SLC66A3: variants seen among roughly 807,000 people sequenced by gnomAD.
The protein encoded by SLC66A3 is PQ loop repeat containing 3.
SLC66A3 carries 23 observed loss-of-function variants against 25.5 expected under a neutral mutation model. The observed-to-expected ratio is 0.90, with a 90% CI of 0.65 to 1.28. The LOEUF (loss-of-function observed/expected upper bound fraction) is 1.28. Among genes scored for constraint, SLC66A3 ranks in the 50% most tolerant of loss-of-function variants. SLC66A3 has a pLI of 0.00. For missense variants in SLC66A3, 246 were observed against 262.1 expected (o/e 0.94, Z 0.42); for synonymous variants, 108 against 112.6 (o/e 0.96, Z 0.26).
intron 5 of SLC66A3, among the ~76,000 whole-genome samples, chr2:11,173,153 G>A (rs574000676): frequency 3.9e-5 from 6 of 152,168 alleles, no homozygotes; most frequent in South Asian, 4.2e-4. Flanking sequence ...ATGAGCCACC[G>A]CGCCCAGCCA....
chr2:11,167,787 A>G (rs1313715112), intron 4 of SLC66A3, among the ~76,000 whole-genome samples: 1 of 152,134 alleles, frequency 6.6e-6, no homozygotes, highest in Non-Finnish European at 1.5e-5. Flanking sequence ...ACATGGTAGC[A>G]AAACCCCAGA....
Position 11,155,490 on chromosome 2 carries a change from C to G in SLC66A3, c.-57C>G, listed in dbSNP as rs762670373. 74 of 1,427,962 alleles carry G rather than the reference C, an allele frequency of 5.2e-5. No homozygotes were observed. Among genetic ancestry groups the G allele is most frequent in the Non-Finnish European group, 6.3e-5 (69 of 1,099,350 alleles). 88.5% of individuals were successfully genotyped at this position (1,427,962 alleles called of 1,614,324 possible). The stretch of plus-strand genomic sequence containing the variant: ...GAAGGCTTCGGCAGAGCTGCGCCGC[C>G]GAGGCTGAGCGGTCCCTTCTCGCTG... On this transcript the variant is annotated 5_prime_UTR_variant, in exon 1 of 7. Coordinates refer to ENST00000295083, the MANE Select transcript of SLC66A3 (RefSeq NM_152391.5).
intron 5 of SLC66A3, among the ~76,000 whole-genome samples, chr2:11,172,428 G>A (rs192856771): frequency 1.4e-4 from 22 of 152,316 alleles, no homozygotes; most frequent in African/African-American, 5.3e-4. Context: ...TTTTGAGAAT[G>A]AATGAAATGT....
chr2:11,177,252 G>A (rs1662787801), intron 6 of SLC66A3, among the ~76,000 whole-genome samples: 1 of 152,132 alleles, frequency 6.6e-6, no homozygotes, highest in African/African-American at 2.4e-5. Context: ...TTGAGGTCAG[G>A]AGTTTGAGAC....
intron 6 of SLC66A3, among the ~76,000 whole-genome samples, chr2:11,176,145 CT>C (rs1231122180): frequency 1.3e-5 from 2 of 152,184 alleles, no homozygotes. Flanking sequence ...CAAGATTGTT[CT>C]AATTGTGATT....
chr2:11,164,110 G>C, intron 3 of SLC66A3, 94 bp from the exon 4 acceptor site: 4 of 734,084 alleles, frequency 5.4e-6, no homozygotes, highest in Non-Finnish European at 6.9e-6. Flanking sequence ...TGGCTTCTGC[G>C]TGCCGCTGTC....
intron 6 of SLC66A3, 76 bp from the exon 7 acceptor site, chr2:11,177,661 C>T: frequency 2.3e-6 from 2 of 880,798 alleles, no homozygotes; most frequent in East Asian, 2.6e-5. Context: ...TTTATTTAGG[C>T]TTATACTTTG....
chr2:11,159,838 C>G (rs1662048501), intron 1 of SLC66A3, among the ~76,000 whole-genome samples: 1 of 152,152 alleles, frequency 6.6e-6, no homozygotes, highest in Non-Finnish European at 1.5e-5. Flanking sequence ...GAATGTGGGA[C>G]CCTGTGGCCT....
chr2:11,162,886 G>A lies in SLC66A3; in HGVS notation c.297-1318G>A, dbSNP rs35770320. Among the ~76,000 whole-genome samples the A allele has an allele frequency of 1.3e-4, 20 of 152,316 alleles. No individual in the cohort carries two copies. The East Asian group carries it at 2.1e-3, about 16-fold the overall frequency. On this transcript the variant is annotated intron_variant, in intron 3 of 6. Transcript: ENST00000295083. Reference sequence around the variant, plus strand: ...CTCCCAAAGTGCTGGGATTACAGGCGTGAGCCACCGTGCCCGGCCTAATGA... The same window carrying A: ...CTCCCAAAGTGCTGGGATTACAGGCATGAGCCACCGTGCCCGGCCTAATGA...
intron 3 of SLC66A3, 86 bp from the exon 4 acceptor site, chr2:11,164,118 G>C (rs1662220569): frequency 2.5e-6 from 2 of 795,114 alleles, no homozygotes; most frequent in Non-Finnish European, 2.1e-6. Flanking sequence ...GCGTGCCGCT[G>C]TCTGTGGTCT....
At chr2:11,177,681 T>A in intron 6 of SLC66A3, 56 bp from the exon 7 acceptor site, 1 of 1,043,654 alleles carries the variant, frequency 9.6e-7, no homozygotes, top group Non-Finnish European at 1.5e-6. Flanking sequence ...GAGCAGGAGG[T>A]GGTTTTGGTC....
At chr2:11,174,590 A>G (rs1474766459) in intron 5 of SLC66A3, among the ~76,000 whole-genome samples, 1 of 151,896 alleles carries the variant, frequency 6.6e-6, no homozygotes. Context: ...TTTGCCTCCC[A>G]GGTTCAAGCG....
chr2:11,176,841 T>G (rs1409093319), intron 6 of SLC66A3, among the ~76,000 whole-genome samples: 1 of 152,130 alleles, frequency 6.6e-6, no homozygotes, highest in Non-Finnish European at 1.5e-5. Context: ...GAATAACTTT[T>G]TAAAAACAGT....
In SLC66A3 at chr2:11,160,535, C is replaced by G; in HGVS notation, c.213C>G (p.Ile71Met). ...CGCTGACCTACCTGGAGTACCCCAT[C>G]CTCATCGCGCAAGGTAACAGCCCCT... The part of the protein sequence containing the change: ...YPPLTYLEYP[I>M]LIAQDVILLL... The change falls in exon 2 of 7, where the codon ATC becomes ATG. Residue 71 changes from isoleucine (I) to methionine (M), a missense_variant. By Grantham distance (10) the Ile-to-Met change is conservative (BLOSUM62 1). Around this residue, in one of 3 missense-constraint regions of SLC66A3, gnomAD observed 142 missense variants for 130.3 expected, o/e 1.09. Coordinates refer to ENST00000295083, the MANE Select transcript of SLC66A3 (RefSeq NM_152391.5). The G allele has an allele frequency of 6.2e-7, 1 of 1,614,202 alleles. No individual in the cohort carries two copies. Among genetic ancestry groups the G allele is most frequent in the Non-Finnish European group, 8.5e-7 (1 of 1,180,036 alleles).
intron 4 of SLC66A3, among the ~76,000 whole-genome samples, chr2:11,170,314 G>T (rs73915389): frequency 0.027 from 4,067 of 152,170 alleles, 82 homozygotes; most frequent in East Asian, 0.055. Flanking sequence ...GTCTCCCTTC[G>T]GTCTACACTC....
At chr2:11,160,794 GT>G in intron 3 of SLC66A3, 100 bp downstream of exon 3, 2 of 1,458,048 alleles carry the variant, frequency 1.4e-6, no homozygotes, top group Non-Finnish European at 1.8e-6. Context: ...GTATTTTTTG[GT>G]TAAACTAAAA....
At chr2:11,158,889 G>T (rs149837658) in intron 1 of SLC66A3, among the ~76,000 whole-genome samples, 1 of 152,190 alleles carries the variant, frequency 6.6e-6, no homozygotes, top group Admixed American at 6.5e-5. Context: ...CTGCAGGGAT[G>T]GGGGGAGTTT....
At chr2:11,166,881 C>T (rs1042239505) in intron 4 of SLC66A3, among the ~76,000 whole-genome samples, 5 of 152,054 alleles carry the variant, frequency 3.3e-5, no homozygotes, top group African/African-American at 9.7e-5. Context: ...GGTGACAGAG[C>T]GAGACTGCAT....
At chr2:11,176,771 G>A (rs911630036) in intron 6 of SLC66A3, among the ~76,000 whole-genome samples, 7 of 149,910 alleles carry the variant, frequency 4.7e-5, no homozygotes, top group South Asian at 4.3e-4. Context: ...CTCGTGATCC[G>A]CCCGCCTCGG....
Sources: allele counts gnomAD v4.1 joint callset (sites outside exome capture counted in the v4.1 genomes callset), GRCh38; gene constraint gnomAD v4.1.1; regional missense constraint gnomAD v4.1.1; transcripts MANE v1.5; gene names NCBI Gene and HGNC (gene_info 2026-07-23, HGNC 2026-07-21).